CBFA2T2: variants seen among roughly 807,000 people sequenced by gnomAD.
CBFA2T2 encodes the protein protein CBFA2T2.
A neutral mutation model predicts 62.2 loss-of-function variants in CBFA2T2; 11 were observed. The ratio of observed to expected loss-of-function variants is 0.18; its 90% confidence interval spans 0.11 to 0.29. CBFA2T2 has a LOEUF of 0.29. CBFA2T2 is among the 10% of genes least tolerant of loss of function. The pLI is 1.00. For synonymous variants in CBFA2T2, 295 were observed against 287.5 expected (o/e 1.03, Z -0.27); for missense variants, 592 against 774.1 (o/e 0.76, Z 2.79).
intron 1 of CBFA2T2, chr20:33,574,030 C>T: frequency 8.2e-7 from 1 of 1,219,162 alleles, no homozygotes; most frequent in East Asian, 3.1e-5. Context: ...CTAAAGCGAT[C>T]TTCCCATGTT....
chr20:33,623,051 C>G, intron 4 of CBFA2T2, 64 bp from the exon 5 acceptor site: 1 of 1,524,000 alleles, frequency 6.6e-7, no homozygotes, highest in Non-Finnish European at 9.0e-7. Context: ...TGTGAAAGCC[C>G]TTTGAGGTGC....
At chr20:33,623,411 G>A in intron 5 of CBFA2T2, 115 bp downstream of exon 5, 1 of 1,209,756 alleles carries the variant, frequency 8.3e-7, no homozygotes, top group Non-Finnish European at 1.2e-6. Context: ...AACTTTTTTT[G>A]AGACAAGGCC....
intron 1 of CBFA2T2, among the ~76,000 whole-genome samples, chr20:33,516,380 G>A (rs1432391579): frequency 6.6e-6 from 1 of 152,210 alleles, no homozygotes; most frequent in Non-Finnish European, 1.5e-5. Context: ...TGAGGCAGGA[G>A]AATCCCTTGA....
intron 1 of CBFA2T2, among the ~76,000 whole-genome samples, chr20:33,508,809 TCTG>T (rs1375246323): frequency 2.6e-5 from 4 of 152,214 alleles, no homozygotes; most frequent in Non-Finnish European, 5.9e-5. Context: ...TATTTAAACT[TCTG>T]CTATCAGAAG....
In CBFA2T2 at chr20:33,619,666, C is replaced by G. The variant is rs970116015; in HGVS notation, c.510+60C>G. 86 of 1,238,978 alleles carry G rather than the reference C, an allele frequency of 6.9e-5. No individual in the cohort carries two copies. The African/African-American group carries it at 1.2e-3, about 18-fold the overall frequency. 76.7% of individuals were successfully genotyped at this position (1,238,978 alleles called of 1,614,324 possible). On this transcript the variant is annotated intron_variant, in intron 4 of 10. Coordinates refer to ENST00000342704, the MANE Select transcript of CBFA2T2 (RefSeq NM_001032999.3). ...AATATTTCCTCAAATTCTGCTAATC[C>G]CTGTTACGTGATTTAAATCAGAGCC...
At chr20:33,539,660 C>T (rs1041707695) in intron 1 of CBFA2T2, among the ~76,000 whole-genome samples, 1 of 150,336 alleles carries the variant, frequency 6.7e-6, no homozygotes, top group Admixed American at 6.7e-5. Flanking sequence ...AGGGTGACAG[C>T]GAAGTAAGGT....
rs564078933 is a variant in CBFA2T2 at position 33,590,932 on chromosome 20, T to C, written c.35-16024T>C. Among the ~76,000 whole-genome samples the C allele has an allele frequency of 4.1e-4, 62 of 152,190 alleles. 1 individual carries two copies. The East Asian group carries it at 0.012, about 29-fold the overall frequency. Reference sequence around the variant, plus strand: ...GCTCTCGCTTGTAATCCGAGCACTTTGGGAGGCCGAGGCAGGCAGATCACT... The same window carrying C: ...GCTCTCGCTTGTAATCCGAGCACTTCGGGAGGCCGAGGCAGGCAGATCACT... On this transcript the variant is annotated intron_variant, in intron 1 of 10. Coordinates refer to ENST00000342704, the MANE Select transcript of CBFA2T2 (RefSeq NM_001032999.3).
intron 1 of CBFA2T2, among the ~76,000 whole-genome samples, chr20:33,572,021 G>A (rs1437330555): frequency 1.3e-5 from 2 of 152,204 alleles, no homozygotes; most frequent in Admixed American, 6.5e-5. Flanking sequence ...CTCCAGAGTA[G>A]CTGGGACTAC....
In CBFA2T2 at chr20:33,584,251, TTAAG is replaced by T. The variant is rs1185928092; in HGVS notation, c.35-22703_35-22700del. On this transcript the variant is annotated intron_variant, in intron 1 of 10. Transcript: ENST00000342704. ...GGCGTGAGCCACCATGCTGGCCAGA[TTAAG>T]TGACTTTTTTTTTTCTTTTTTTTTT... Among the ~76,000 whole-genome samples, 17 of 148,160 alleles carry T rather than the reference TTAAG, an allele frequency of 1.1e-4. 1 individual carries two copies. Among genetic ancestry groups the T allele is most frequent in the Middle Eastern group, 3.5e-3 (1 of 286 alleles).
chr20:33,627,111 C>T (rs758946971), intron 6 of CBFA2T2, among the ~76,000 whole-genome samples: 8 of 151,928 alleles, frequency 5.3e-5, no homozygotes, highest in African/African-American at 1.2e-4. Flanking sequence ...AAACTGCTTG[C>T]GGGCGGTCTG....
chr20:33,539,832 G>A (rs1025912775), intron 1 of CBFA2T2, among the ~76,000 whole-genome samples: 12 of 151,818 alleles, frequency 7.9e-5, no homozygotes, highest in African/African-American at 2.7e-4. Context: ...GACTATAGGT[G>A]CGTACCACCA....
chr20:33,622,571 C>CTT (rs2016032096), intron 4 of CBFA2T2, among the ~76,000 whole-genome samples: 1 of 152,310 alleles, frequency 6.6e-6, no homozygotes, highest in South Asian at 2.1e-4. Context: ...AAAATACCTA[C>CTT]TTAATGAATT....
Position 33,645,907 on chromosome 20 carries a change from G to C in CBFA2T2, c.*1261G>C, listed in dbSNP as rs540605364. 2 of 152,176 alleles carry C rather than the reference G, an allele frequency of 1.3e-5. No individual in the cohort carries two copies. The highest frequency in any genetic ancestry group is 2.1e-4 in the South Asian group (1 of 4,824). The allele number at this position is 152,176 out of a possible 1,614,324, so 9.4% of individuals were successfully genotyped here. A position where few individuals can be genotyped will look rare whatever the true frequency, so the allele number is the denominator to read the frequency against. On this transcript the variant is annotated 3_prime_UTR_variant, in exon 11 of 11. Transcript: ENST00000342704. Reference sequence around the variant, plus strand: ...AAAAGCTGATCAATTTTTCTTCCTAGCTTCCCATTTTCAAATGGGACATCA... The same window carrying C: ...AAAAGCTGATCAATTTTTCTTCCTACCTTCCCATTTTCAAATGGGACATCA...
chr20:33,575,524 A>G (rs1242715667), intron 1 of CBFA2T2, among the ~76,000 whole-genome samples: 1 of 152,230 alleles, frequency 6.6e-6, no homozygotes, highest in African/African-American at 2.4e-5. Flanking sequence ...TTCTGTCTTA[A>G]TAGAAAAGAT....
At chr20:33,498,627 T>TA (rs1386579070) in intron 1 of CBFA2T2, among the ~76,000 whole-genome samples, 1 of 152,110 alleles carries the variant, frequency 6.6e-6, no homozygotes, top group Non-Finnish European at 1.5e-5. Flanking sequence ...CACTCAGCTG[T>TA]AGTCCCAGTT....
rs1318060638 is a variant in CBFA2T2 at position 33,602,450 on chromosome 20, AAAACTC to A, written c.35-4502_35-4497del. On this transcript the variant is annotated intron_variant, in intron 1 of 10. Coordinates refer to ENST00000342704, the MANE Select transcript of CBFA2T2 (RefSeq NM_001032999.3). ...CCAGTCTCTGATTAAAAAAAAAAAA[AAAACTC>A]AAAAGCAATTTATAATGATTTGTAA... 3.3e-5 allele frequency among the ~76,000 whole-genome samples: 5 copies of A among 151,404 alleles called. No homozygotes were observed. In the East Asian group the frequency reaches 9.7e-4, roughly 29 times the overall value.
At position 33,647,315 on chromosome 20, in the gene CBFA2T2, T is replaced by C. The variant is rs2017087194; in HGVS notation, c.*2669T>C. On this transcript the variant is annotated 3_prime_UTR_variant, in exon 11 of 11. Coordinates refer to ENST00000342704, the MANE Select transcript of CBFA2T2 (RefSeq NM_001032999.3). The stretch of plus-strand genomic sequence containing the variant: ...TTGTTTGTTTTGAGACGGGAGTTTC[T>C]CTCTTGTCTCCCAGGCTGGAGTGCA... 6.6e-6 allele frequency: 1 copy of C among 152,258 alleles called. No homozygotes were observed. The highest frequency in any genetic ancestry group is 6.5e-5 in the Admixed American group (1 of 15,284). The allele number at this position is 152,258 out of a possible 1,614,324, so 9.4% of individuals were successfully genotyped here.
chr20:33,513,838 A>G (rs2011551675), intron 1 of CBFA2T2, among the ~76,000 whole-genome samples: 1 of 138,912 alleles, frequency 7.2e-6, no homozygotes, highest in African/African-American at 2.6e-5. Flanking sequence ...AAAAAAAAAG[A>G]ATGTTGTACC....
At chr20:33,624,172 A>G (rs1000073306) in intron 5 of CBFA2T2, among the ~76,000 whole-genome samples, 1 of 150,148 alleles carries the variant, frequency 6.7e-6, no homozygotes, top group East Asian at 2.0e-4. Flanking sequence ...AAAATATTCT[A>G]TGGGTTATCA....
Sources: allele counts gnomAD v4.1 joint callset (sites outside exome capture counted in the v4.1 genomes callset), GRCh38; gene constraint gnomAD v4.1.1; transcripts MANE v1.5; gene names NCBI Gene and HGNC (gene_info 2026-07-23, HGNC 2026-07-21).